NCOA6: variants seen among roughly 807,000 people sequenced by gnomAD.
NCOA6 encodes NRC RAP250.
A neutral mutation model predicts 171.4 loss-of-function variants in NCOA6; 49 were observed. That is an observed-to-expected ratio of 0.29 (90% CI 0.23 to 0.36). NCOA6 has a LOEUF of 0.36. Ranked by LOEUF, NCOA6 falls within the 10% of genes least tolerant of loss-of-function variation. The pLI is 1.00. For missense variants in NCOA6, 2,248 were observed against 2,554.5 expected, an observed-to-expected ratio of 0.88 and a Z score of 2.59; for synonymous variants, 910 against 927.5, an observed-to-expected ratio of 0.98 and a Z score of 0.34.
In NCOA6 at chr20:34,754,705, A is replaced by C. The variant is rs1048733332; in HGVS notation, c.1675+17T>G. ...ATGCTCAATAAATGCTGGCTAAACA[A>C]ATCACAGAAAACAAACCTGCATGCT... On this transcript the variant is annotated intron_variant, in intron 8 of 14. Transcript: ENST00000359003. The C allele has an allele frequency of 1.9e-6, 3 of 1,614,138 alleles. No homozygotes were observed. The highest frequency in any genetic ancestry group is 1.7e-5 in the Admixed American group (1 of 60,022).
At chr20:34,737,671 G>T (rs746651047) in intron 11 of NCOA6, among the ~76,000 whole-genome samples, 1 of 152,090 alleles carries the variant, frequency 6.6e-6, no homozygotes, top group Non-Finnish European at 1.5e-5. Context: ...TTATGGCATG[G>T]ATATGCCACA....
Position 34,754,872 on chromosome 20 carries a change from A to G in NCOA6, c.1529-4T>C. 1 of 1,613,880 alleles carries G rather than the reference A, an allele frequency of 6.2e-7. No individual in the cohort carries two copies. Among genetic ancestry groups the G allele is most frequent in the Non-Finnish European group, 8.5e-7 (1 of 1,179,886 alleles). ...GGTGGGAGGCGTTTAGGCATTCCTT[A>G]ATAGAAAACAATGAGTAAGGCAGTT... On this transcript the variant is annotated splice_region_variant and splice_polypyrimidine_tract_variant and intron_variant, in intron 7 of 14. Transcript: ENST00000359003.
chr20:34,753,847 T>C (rs1004405879), intron 8 of NCOA6, among the ~76,000 whole-genome samples: 5 of 152,184 alleles, frequency 3.3e-5, no homozygotes, highest in African/African-American at 1.2e-4. Flanking sequence ...ACAATTAAAG[T>C]TGGAGTCACA....
intron 1 of NCOA6, among the ~76,000 whole-genome samples, chr20:34,805,010 G>A (rs1172945105): frequency 1.3e-5 from 2 of 149,828 alleles, no homozygotes; most frequent in East Asian, 3.9e-4. Flanking sequence ...CCAGACTCTA[G>A]TAACCTCTGT....
In NCOA6 at chr20:34,758,063, G is replaced by C. The variant is rs747943579; in HGVS notation, c.685C>G (p.Gln229Glu). 5 of 1,614,044 alleles carry C rather than the reference G, an allele frequency of 3.1e-6. No individual in the cohort carries two copies. In the South Asian group the frequency reaches 4.4e-5, roughly 14 times the overall value. Residue 229 changes from glutamine to glutamate, a missense_variant, in exon 7 of 15, where the codon CAA becomes GAA. This residue lies in a region of NCOA6 where 987 missense variants were observed against 1,104.7 expected (regional missense o/e 0.89). Transcript: ENST00000359003. Reference sequence around the variant, plus strand: ...GCTAAAGATCCTGAGGGATGACTTTGCTGCTGTATATGGAGCCCAGAGAGG... The same window carrying C: ...GCTAAAGATCCTGAGGGATGACTTTCCTGCTGTATATGGAGCCCAGAGAGG... The part of the protein sequence containing the change: ...PLLSGLHIQQ[Q>E]SHPSGSLAPP...
chr20:34,757,135 C>A (rs1206982288), intron 7 of NCOA6, 85 bp downstream of exon 7: 1 of 1,357,760 alleles, frequency 7.4e-7, no homozygotes, highest in Non-Finnish European at 9.9e-7. Context: ...TTACTCCACT[C>A]CCTCCATTAA....
chr20:34,742,620 T>G lies in NCOA6; in HGVS notation c.3636A>C (p.Pro1212=). ...AATAGGGTCTGGGGCTGGCTCTGTT[T>G]GGTGTTTTGGGCCTAGATGTCTGGG... The part of the protein sequence containing the change: ...APTQTSRPKT[P]NRASPRPYYP... Residue 1212 remains proline, a synonymous_variant, in exon 11 of 15, where the codon CCA becomes CCC. Transcript: ENST00000359003. The G allele has an allele frequency of 6.2e-7, 1 of 1,614,056 alleles. No individual in the cohort carries two copies. The highest frequency in any genetic ancestry group is 1.1e-5 in the South Asian group (1 of 91,080).
At chr20:34,758,246 T>A in intron 6 of NCOA6, 142 bp from the exon 7 acceptor site, 2 of 1,115,860 alleles carry the variant, frequency 1.8e-6, no homozygotes, top group Non-Finnish European at 2.5e-6. Context: ...ACCTTCTATG[T>A]ATGAAGCAAC....
chr20:34,768,341 G>C, intron 5 of NCOA6, 123 bp downstream of exon 5: 1 of 1,286,314 alleles, frequency 7.8e-7, no homozygotes, highest in South Asian at 1.4e-5. Context: ...TAGCTTTCCT[G>C]ATTCAGCAAA....
intron 5 of NCOA6, among the ~76,000 whole-genome samples, chr20:34,763,439 TGATA>T (rs2076877471): frequency 6.6e-6 from 1 of 152,228 alleles, no homozygotes; most frequent in South Asian, 2.1e-4. Flanking sequence ...TCCTTATGTT[TGATA>T]GTGTCTTGTT....
chr20:34,739,099 G>A (rs1318400520), intron 11 of NCOA6, among the ~76,000 whole-genome samples: 2 of 152,096 alleles, frequency 1.3e-5, no homozygotes, highest in Non-Finnish European at 2.9e-5. Context: ...AAGGAGGGGC[G>A]GTTGTAAGGA....
chr20:34,766,763 T>G (rs1389330188), intron 5 of NCOA6, among the ~76,000 whole-genome samples: 3 of 152,170 alleles, frequency 2.0e-5, no homozygotes, highest in Non-Finnish European at 4.4e-5. Flanking sequence ...CAGTACATAT[T>G]AAGTCCTTTG....
chr20:34,748,392 T>C (rs1468745415), intron 9 of NCOA6, among the ~76,000 whole-genome samples: 3 of 152,196 alleles, frequency 2.0e-5, no homozygotes, highest in African/African-American at 7.2e-5. Context: ...GTACAAAGAA[T>C]GTTGTGGGAA....
Position 34,743,204 on chromosome 20 carries a change from G to C in NCOA6, c.3052C>G (p.Pro1018Ala). ...QLPQQQQPPP[P>A]SQPQSQQQQQ... is the part of the protein sequence containing the mutation. Reference sequence around the variant, plus strand: ...TGCTGCTGAGACTGTGGCTGACTGGGAGGTGGTGGCTGCTGCTGCTGAGGC... The same window carrying C: ...TGCTGCTGAGACTGTGGCTGACTGGCAGGTGGTGGCTGCTGCTGCTGAGGC... The change falls in exon 11 of 15, where the codon CCC becomes GCC. Residue 1018 changes from proline (P) to alanine (A), a missense_variant. Pro to Ala is a conservative substitution (Grantham distance 27). Transcript: ENST00000359003. 6.2e-7 allele frequency: 1 copy of C among 1,614,112 alleles called. No individual in the cohort carries two copies. Among genetic ancestry groups the C allele is most frequent in the Non-Finnish European group, 8.5e-7 (1 of 1,180,002 alleles).
intron 1 of NCOA6, among the ~76,000 whole-genome samples, chr20:34,810,152 T>C (rs2078604958): frequency 6.6e-6 from 1 of 152,204 alleles, no homozygotes; most frequent in African/African-American, 2.4e-5. Context: ...CTTTGTATGT[T>C]ACACATCAAT....
At chr20:34,767,007 C>A (rs572919568) in intron 5 of NCOA6, among the ~76,000 whole-genome samples, 3 of 152,250 alleles carry the variant, frequency 2.0e-5, no homozygotes, top group Non-Finnish European at 4.4e-5. Flanking sequence ...GGATATTTTA[C>A]ATCTATTTTA....
At chr20:34,720,757 G>A (rs1989216767) in intron 14 of NCOA6, among the ~76,000 whole-genome samples, 1 of 152,166 alleles carries the variant, frequency 6.6e-6, no homozygotes, top group Non-Finnish European at 1.5e-5. Flanking sequence ...CACTGCATAT[G>A]TCCCCACATT....
intron 7 of NCOA6, among the ~76,000 whole-genome samples, chr20:34,756,856 C>G (rs1181880467): frequency 6.6e-6 from 1 of 152,130 alleles, no homozygotes; most frequent in African/African-American, 2.4e-5. Flanking sequence ...TTATTTTGCT[C>G]TATTGCATAA....
intron 1 of NCOA6, among the ~76,000 whole-genome samples, chr20:34,798,408 G>A (rs1203552576): frequency 6.6e-6 from 1 of 152,252 alleles, no homozygotes; most frequent in Non-Finnish European, 1.5e-5. Flanking sequence ...CTGAAGGGAA[G>A]GACACAGCAT....
Sources: allele counts gnomAD v4.1 joint callset (sites outside exome capture counted in the v4.1 genomes callset), GRCh38; gene constraint gnomAD v4.1.1; regional missense constraint gnomAD v4.1.1; transcripts MANE v1.5; gene names NCBI Gene and HGNC (gene_info 2026-07-23, HGNC 2026-07-21).